The following KIF3C variants were observed in gnomAD, a reference collection of about 807,000 sequenced individuals.
KIF3C encodes kinesin-like protein KIF3C.
A neutral mutation model predicts 67.7 loss-of-function variants in KIF3C; 12 were observed. The observed-to-expected ratio is 0.18, with a 90% CI of 0.11 to 0.29. KIF3C has a LOEUF of 0.29. KIF3C is among the 10% of genes least tolerant of loss of function. The probability of loss-of-function intolerance (pLI) is 1.00; values close to 1 mark genes in which losing one functional copy is unlikely to be tolerated. For missense variants in KIF3C, 789 were observed against 1,059.6 expected (o/e 0.74, Z 3.55); for synonymous variants, 393 against 426.2 (o/e 0.92, Z 0.96).
Position 25,980,644 on chromosome 2 carries a change from G to A in KIF3C, c.1274C>T (p.Pro425Leu), listed in dbSNP as rs748408810. ...TTCTGCCACCCAGGCCTCAATCACT[G>A]GGCCCTCAGGGTACCCAGGCGGGGC... is the stretch of plus-strand genomic sequence containing the variant. ...VSAPPGYPEG[P>L]VIEAWVAEEE... The change falls in exon 1 of 8, where the codon CCA (proline) becomes CTA (leucine). Residue 425 changes from proline to leucine, a missense_variant. Around this residue, in one of 2 missense-constraint regions of KIF3C, gnomAD observed 648 missense variants for 807.8 expected, o/e 0.80. Coordinates refer to ENST00000264712, the MANE Select transcript of KIF3C (RefSeq NM_002254.8). This position sits in a 1 kb window ranked among gnomAD's most constrained non-coding sequence, Gnocchi z 7.6. 1.2e-6 allele frequency: 2 copies of A among 1,613,940 alleles called. No individual in the cohort carries two copies. The highest frequency in any genetic ancestry group is 1.7e-6 in the Non-Finnish European group (2 of 1,180,024).
At chr2:25,973,685 T>C (rs891145227) in intron 1 of KIF3C, among the ~76,000 whole-genome samples, 4 of 152,174 alleles carry the variant, frequency 2.6e-5, no homozygotes, top group African/African-American at 9.7e-5. Flanking sequence ...CAATTTTAAC[T>C]GTTAAAGAGA....
chr2:25,947,831 A>G (rs1010140032), intron 5 of KIF3C, among the ~76,000 whole-genome samples: 1 of 152,216 alleles, frequency 6.6e-6, no homozygotes. Flanking sequence ...TAAATTTTCC[A>G]TAATGAAAAC....
At chr2:25,944,482 C>T (rs944374003) in intron 5 of KIF3C, among the ~76,000 whole-genome samples, 10 of 151,812 alleles carry the variant, frequency 6.6e-5, no homozygotes, top group Non-Finnish European at 1.5e-4. Flanking sequence ...TCCCAAGTAG[C>T]TGGGAGTACA....
rs1574474667 is a variant in KIF3C, at chr2:25,928,891, A to G, written c.*87T>C. On this transcript the variant is annotated 3_prime_UTR_variant, in exon 8 of 8. Transcript: ENST00000264712. ...CGCACACGCACATGCACGCACACGC[A>G]CACGCACCAAGCGGCAGATGAGATG... 9.0e-7 allele frequency: 1 copy of G among 1,112,722 alleles called. No homozygotes were observed. Among genetic ancestry groups the G allele is most frequent in the Non-Finnish European group, 1.3e-6 (1 of 747,510 alleles). 68.9% of individuals were successfully genotyped at this position (1,112,722 alleles called of 1,614,324 possible). A position where few individuals can be genotyped will look rare whatever the true frequency, so the allele number is the denominator to read the frequency against.
Position 25,951,972 on chromosome 2 carries a change from G to A in KIF3C, c.1890-67C>T, listed in dbSNP as rs1022070446. 6.3e-6 allele frequency: 7 copies of A among 1,102,432 alleles called. No individual in the cohort carries two copies. The African/African-American group carries it at 1.1e-4, about 17-fold the overall frequency. 68.3% of individuals were successfully genotyped at this position (1,102,432 alleles called of 1,614,324 possible). On this transcript the variant is annotated intron_variant, in intron 4 of 7. Coordinates refer to ENST00000264712, the MANE Select transcript of KIF3C (RefSeq NM_002254.8). ...GAGAGACCACGTGGTGCATGTGAGG[G>A]TTGAAGGATTAGAAGCAACAAGCCA...
intron 1 of KIF3C, among the ~76,000 whole-genome samples, chr2:25,957,924 C>T (rs888106867): frequency 2.0e-5 from 3 of 152,218 alleles, no homozygotes; most frequent in Admixed American, 6.5e-5. Context: ...GGTTAATGAT[C>T]TCCCCTCTTA....
chr2:25,928,893 A>ACGCACC lies in KIF3C; in HGVS notation c.*79_*84dup, dbSNP rs2090433577. ...CACACGCACATGCACGCACACGCAC[A>ACGCACC]CGCACCAAGCGGCAGATGAGATGAG... On this transcript the variant is annotated 3_prime_UTR_variant, in exon 8 of 8. Coordinates refer to ENST00000264712, the MANE Select transcript of KIF3C (RefSeq NM_002254.8). The ACGCACC allele has an allele frequency of 8.8e-7, 1 of 1,139,916 alleles. No homozygotes were observed. Among genetic ancestry groups the ACGCACC allele is most frequent in the Middle Eastern group, 2.9e-4 (1 of 3,488 alleles). The allele number at this position is 1,139,916 out of a possible 1,614,324, so 70.6% of individuals were successfully genotyped here.
At chr2:25,932,200 C>T (rs2090466554) in intron 5 of KIF3C, among the ~76,000 whole-genome samples, 1 of 151,742 alleles carries the variant, frequency 6.6e-6, no homozygotes, top group Non-Finnish European at 1.5e-5. Flanking sequence ...CGGGGTTTCA[C>T]CATGTTGGCC....
chr2:25,948,634 G>GAGAGAA (rs1478587390), intron 5 of KIF3C, among the ~76,000 whole-genome samples: 1 of 122,888 alleles, frequency 8.1e-6, no homozygotes, highest in Non-Finnish European at 1.7e-5. Context: ...GAGAAAGAGA[G>GAGAGAA]AGAGAAAGAG....
At chr2:25,954,005 T>C in intron 4 of KIF3C, 1 of 420,468 alleles carries the variant, frequency 2.4e-6, no homozygotes, top group Non-Finnish European at 4.3e-6. Context: ...TCACTGATTC[T>C]TATGCAAAGA....
Position 25,928,910 on chromosome 2 carries a change from T to A in KIF3C, c.*68A>T, listed in dbSNP as rs868071451. On this transcript the variant is annotated 3_prime_UTR_variant, in exon 8 of 8. Transcript: ENST00000264712. ...ACACGCACACGCACCAAGCGGCAGA[T>A]GAGATGAGCCAGGGTTGGCTGCCCC... is the stretch of plus-strand genomic sequence containing the variant. 5 of 1,339,192 alleles carry A rather than the reference T, an allele frequency of 3.7e-6. No individual in the cohort carries two copies. In the African/African-American group the frequency reaches 5.8e-5, roughly 15 times the overall value. The allele number at this position is 1,339,192 out of a possible 1,614,324, so 83.0% of individuals were successfully genotyped here. A position where few individuals can be genotyped will look rare whatever the true frequency, so the allele number is the denominator to read the frequency against.
rs867194238 is a variant in KIF3C at position 25,982,470 on chromosome 2, C to T, written c.-553G>A. 3.2e-4 allele frequency: 127 copies of T among 398,686 alleles called. 1 individual carries two copies. Among genetic ancestry groups the T allele is most frequent in the African/African-American group, 2.4e-3 (119 of 48,758 alleles). The allele number at this position is 398,686 out of a possible 1,614,324, so 24.7% of individuals were successfully genotyped here. ...GCCTCTGCCTCCGCCTTCCCCGCCG[C>T]CGCCACTGGAGAATGAGAGAGAAAA... is the stretch of plus-strand genomic sequence containing the variant. On this transcript the variant is annotated 5_prime_UTR_variant, in exon 1 of 8. Transcript: ENST00000264712.
At chr2:25,936,432 A>AT (rs1285087278) in intron 5 of KIF3C, among the ~76,000 whole-genome samples, 2 of 152,164 alleles carry the variant, frequency 1.3e-5, no homozygotes, top group African/African-American at 4.8e-5. Flanking sequence ...GAATTGTGTG[A>AT]TTATGGGTGA....
rs370681466 is a variant in KIF3C, at chr2:25,982,261, A to G, written c.-344T>C. On this transcript the variant is annotated 5_prime_UTR_variant, in exon 1 of 8. Coordinates refer to ENST00000264712, the MANE Select transcript of KIF3C (RefSeq NM_002254.8). ...AACAGCTTCGGCAACAATGAGATAA[A>G]GGAAGAGGAAAATGGGATGGGGGTG... 1,029 of 408,708 alleles carry G rather than the reference A, an allele frequency of 2.5e-3. 8 individuals carry two copies. The South Asian group carries it at 0.03, about 12-fold the overall frequency. 25.3% of individuals were successfully genotyped at this position (408,708 alleles called of 1,614,324 possible). A position where few individuals can be genotyped will look rare whatever the true frequency, so the allele number is the denominator to read the frequency against.
chr2:25,950,652 T>G (rs1422920600), intron 5 of KIF3C, among the ~76,000 whole-genome samples: 1 of 152,142 alleles, frequency 6.6e-6, no homozygotes, highest in Non-Finnish European at 1.5e-5. Flanking sequence ...ACCTAAGACC[T>G]GGGACCCTTT....
intron 1 of KIF3C, 120 bp from the exon 2 acceptor site, chr2:25,956,564 G>C (rs146141807): frequency 5.0e-5 from 36 of 715,324 alleles, no homozygotes; most frequent in African/African-American, 4.5e-4. Context: ...ATGTGTCCCA[G>C]ATGGGGCCTT....
intron 5 of KIF3C, among the ~76,000 whole-genome samples, chr2:25,932,405 C>T (rs2090468254): frequency 6.6e-6 from 1 of 150,572 alleles, no homozygotes; most frequent in Non-Finnish European, 1.5e-5. Flanking sequence ...TCCCAAAGTG[C>T]TGGGATTATA....
chr2:25,970,510 A>G (rs534864261), intron 1 of KIF3C, among the ~76,000 whole-genome samples: 2 of 152,012 alleles, frequency 1.3e-5, no homozygotes, highest in South Asian at 4.2e-4. Flanking sequence ...TCTACTAAAA[A>G]TACAAAAATT....
At position 25,955,394 on chromosome 2, in the gene KIF3C, C is replaced by G. The variant is rs917539442; in HGVS notation, c.1770+147G>C. 3.2e-6 allele frequency: 3 copies of G among 941,068 alleles called. No individual in the cohort carries two copies. The highest frequency in any genetic ancestry group is 3.3e-6 in the Non-Finnish European group (2 of 614,544). The allele number at this position is 941,068 out of a possible 1,614,324, so 58.3% of individuals were successfully genotyped here. A position where few individuals can be genotyped will look rare whatever the true frequency, so the allele number is the denominator to read the frequency against. ...CCCAGCCCCCGCCTCCTGCCTCCCC[C>G]TGTTGCTCACCCCCGAGGCCAAGCC... On this transcript the variant is annotated intron_variant, in intron 3 of 7. Transcript: ENST00000264712. The surrounding 1 kb of genome is among the most constrained non-coding windows in gnomAD (Gnocchi z 5.0).
Sources: allele counts gnomAD v4.1 joint callset (sites outside exome capture counted in the v4.1 genomes callset), GRCh38; gene constraint gnomAD v4.1.1; regional missense constraint gnomAD v4.1.1; non-coding constraint Gnocchi (gnomAD v3.1); transcripts MANE v1.5; gene names NCBI Gene and HGNC (gene_info 2026-07-23, HGNC 2026-07-21).